Variants in CEP162 observed in about 807,000 individuals in gnomAD.
CEP162 encodes the protein centrosomal protein of 162 kDa.
A neutral mutation model predicts 169.2 loss-of-function variants in CEP162; 141 were observed. The ratio of observed to expected loss-of-function variants is 0.83; its 90% CI spans 0.73 to 0.96. The LOEUF is 0.96. CEP162 is among the 40% of genes least tolerant of loss of function. CEP162 has a pLI of 0.00. For synonymous variants in CEP162, 540 were observed against 526.4 expected (o/e 1.03, Z -0.35); for missense variants, 1,600 against 1,587.2 (o/e 1.01, Z -0.14).
chr6:84,149,597 C>T lies in CEP162; in HGVS notation c.3736G>A (p.Val1246Ile). The T allele has an allele frequency of 6.2e-7, 1 of 1,603,492 alleles. No homozygotes were observed. The highest frequency in any genetic ancestry group is 8.5e-7 in the Non-Finnish European group (1 of 1,174,688). Residue 1246 changes from valine (V) to isoleucine (I), a missense_variant, in exon 24 of 27, where the codon GTA becomes ATA. By Grantham distance (29) the Val-to-Ile change is conservative (BLOSUM62 3). Transcript: ENST00000403245. Reference protein sequence around the residue: ...QNAVENSSSKVAELNRKIATQ... With the variant: ...QNAVENSSSKIAELNRKIATQ... ...GCTATTTTACGATTTAGTTCAGCTACTTTGGAAGAAGAATTTTCTACTGCA... is the reference window on the plus strand; with the variant it reads ...GCTATTTTACGATTTAGTTCAGCTATTTTGGAAGAAGAATTTTCTACTGCA...
chr6:84,174,954 CCTTT>C lies in CEP162; in HGVS notation c.1798-4_1798-1del, dbSNP rs769427111. The C allele has an allele frequency of 1.3e-6, 2 of 1,569,904 alleles. No homozygotes were observed. Among genetic ancestry groups the C allele is most frequent in the South Asian group, 2.3e-5 (2 of 87,200 alleles). ...TTCTCACCACAGTATCCTAAGGAAT[CCTTT>C]CAAGACAAAGCATTACTTCATTACA... is the stretch of plus-strand genomic sequence containing the variant. On this transcript the variant is annotated splice_acceptor_variant and splice_polypyrimidine_tract_variant and intron_variant, in intron 14 of 26. Transcript: ENST00000403245. LOFTEE classifies it high-confidence loss of function.
At chr6:84,193,551 A>T in intron 11 of CEP162, 58 bp downstream of exon 11, 1 of 1,022,456 alleles carries the variant, frequency 9.8e-7, no homozygotes. Flanking sequence ...GAATGATTAC[A>T]TAGAACAAAT....
chr6:84,133,785 A>T (rs2099512653), intron 25 of CEP162, among the ~76,000 whole-genome samples: 1 of 152,136 alleles, frequency 6.6e-6, no homozygotes, highest in Admixed American at 6.5e-5. Context: ...TGGCTAGGAA[A>T]GGGAATTCCC....
chr6:84,193,155 C>T (rs960439074), intron 11 of CEP162, among the ~76,000 whole-genome samples: 6 of 152,340 alleles, frequency 3.9e-5, no homozygotes, highest in African/African-American at 1.2e-4. Context: ...CATACTTCCA[C>T]TAAACTGTAT....
At chr6:84,224,309 C>CT (rs2099554876) in intron 2 of CEP162, among the ~76,000 whole-genome samples, 1 of 152,162 alleles carries the variant, frequency 6.6e-6, no homozygotes, top group Non-Finnish European at 1.5e-5. Flanking sequence ...ATATATAATA[C>CT]AATTTCTATG....
chr6:84,186,686 T>C, intron 11 of CEP162, 63 bp from the exon 12 acceptor site: 1 of 1,341,328 alleles, frequency 7.5e-7, no homozygotes, highest in Non-Finnish European at 1.0e-6. Flanking sequence ...ATATCAGTAA[T>C]AACCACGTGT....
chr6:84,196,730 T>C (rs2099542315), intron 9 of CEP162, among the ~76,000 whole-genome samples: 1 of 152,212 alleles, frequency 6.6e-6, no homozygotes, highest in Admixed American at 6.5e-5. Context: ...ATATACAATG[T>C]AAGTTGTGTA....
intron 21 of CEP162, among the ~76,000 whole-genome samples, chr6:84,155,984 T>C (rs1469859350): frequency 1.3e-5 from 2 of 152,142 alleles, no homozygotes; most frequent in African/African-American, 4.8e-5. Flanking sequence ...CAAATTGTAC[T>C]ACGAGGCTAT....
At position 84,188,119 on chromosome 6, in the gene CEP162, AAG is replaced by A. The variant is rs1491084772; in HGVS notation, c.1110-1498_1110-1497del. On this transcript the variant is annotated intron_variant, in intron 11 of 26. Coordinates refer to ENST00000403245, the MANE Select transcript of CEP162 (RefSeq NM_014895.4). ...ACTCCGTCTCAAAAAAAAAAAAAAA[AAG>A]AGTGTCATCTTCACATTTAAGTATT... Among the ~76,000 whole-genome samples the A allele has an allele frequency of 1.4e-3, 216 of 152,138 alleles. 3 individuals carry two copies. Among genetic ancestry groups the A allele is most frequent in the East Asian group, 9.5e-3 (49 of 5,172 alleles).
intron 13 of CEP162, among the ~76,000 whole-genome samples, chr6:84,177,978 T>C (rs752430423): frequency 1.3e-5 from 2 of 152,178 alleles, no homozygotes; most frequent in Non-Finnish European, 2.9e-5. Flanking sequence ...ATTAACAAAG[T>C]AAAGGCACTT....
Position 84,124,972 on chromosome 6 carries a change from T to C in CEP162, c.*98A>G. ...TTTGGTTGTTTGCTTTCTGGAAACA[T>C]ATTGGAACACTTGTTTTTCATAAGC... is the stretch of plus-strand genomic sequence containing the variant. On this transcript the variant is annotated 3_prime_UTR_variant, in exon 27 of 27. Transcript: ENST00000403245. 1 of 906,948 alleles carries C rather than the reference T, an allele frequency of 1.1e-6. No homozygotes were observed. Among genetic ancestry groups the C allele is most frequent in the Non-Finnish European group, 1.7e-6 (1 of 589,014 alleles). 56.2% of individuals were successfully genotyped at this position (906,948 alleles called of 1,614,324 possible). A position where few individuals can be genotyped will look rare whatever the true frequency, so the allele number is the denominator to read the frequency against.
At chr6:84,181,787 A>T (rs2099534947) in intron 13 of CEP162, among the ~76,000 whole-genome samples, 1 of 152,136 alleles carries the variant, frequency 6.6e-6, no homozygotes, top group South Asian at 2.1e-4. Flanking sequence ...GTAGGAGAGA[A>T]TATATTAAAT....
Position 84,186,359 on chromosome 6 carries a change from T to C in CEP162, c.1374A>G (p.Ser458=). 1 of 1,441,238 alleles carries C rather than the reference T, an allele frequency of 6.9e-7. No homozygotes were observed. The highest frequency in any genetic ancestry group is 1.2e-5 in the South Asian group (1 of 86,212). The allele number at this position is 1,441,238 out of a possible 1,614,324, so 89.3% of individuals were successfully genotyped here. A position where few individuals can be genotyped will look rare whatever the true frequency, so the allele number is the denominator to read the frequency against. ...TATTAATTTTGTCATCCTGAGATAA[T>C]GATGAAGAATTAACAGTTATTTTTT... ...LRKKITVNSS[S]LSQDDKINKT... is the part of the protein sequence containing the mutation. The change falls in exon 12 of 27, where the codon TCA becomes TCG. Residue 458 remains serine (S), a synonymous_variant. Coordinates refer to ENST00000403245, the MANE Select transcript of CEP162 (RefSeq NM_014895.4).
Position 84,221,184 on chromosome 6 carries a change from T to C in CEP162, c.58-13A>G, listed in dbSNP as rs1401249406. 1.6e-6 allele frequency: 2 copies of C among 1,223,346 alleles called. No homozygotes were observed. Among genetic ancestry groups the C allele is most frequent in the African/African-American group, 3.0e-5 (2 of 67,006 alleles). The allele number at this position is 1,223,346 out of a possible 1,614,324, so 75.8% of individuals were successfully genotyped here. A position where few individuals can be genotyped will look rare whatever the true frequency, so the allele number is the denominator to read the frequency against. On this transcript the variant is annotated splice_polypyrimidine_tract_variant and intron_variant, in intron 2 of 26. Coordinates refer to ENST00000403245, the MANE Select transcript of CEP162 (RefSeq NM_014895.4). ...AATCATCTGAAAGCTGAATTAGATA[T>C]AAGACATTCAATTTGAAAATACAGT...
rs2129200300 is a variant in CEP162 at position 84,149,641 on chromosome 6, T to C, written c.3692A>G (p.Glu1231Gly). The C allele has an allele frequency of 6.2e-7, 1 of 1,602,958 alleles. No homozygotes were observed. The highest frequency in any genetic ancestry group is 2.2e-5 in the East Asian group (1 of 44,482). ...TACTGCATTTTGGCAAAGGAGTTTC[T>C]CTATTTCTCTCTGATGAGATGCTTT... ...SLKASHQREIEKLLCQNAVEN... is the reference protein window; with the variant it reads ...SLKASHQREIGKLLCQNAVEN... Residue 1231 changes from glutamate (E) to glycine (G), a missense_variant, in exon 24 of 27, where the codon GAG (glutamate) becomes GGG (glycine). Coordinates refer to ENST00000403245, the MANE Select transcript of CEP162 (RefSeq NM_014895.4).
At chr6:84,193,864 A>C (rs140171611) in intron 10 of CEP162, among the ~76,000 whole-genome samples, 174 bp from the exon 11 acceptor site, 145 of 152,322 alleles carry the variant, frequency 9.5e-4, no homozygotes, top group Admixed American at 3.7e-3. Flanking sequence ...CTTTCTTATG[A>C]AATATCAAAT....
chr6:84,154,311 G>GGT (rs1339339553), intron 22 of CEP162, among the ~76,000 whole-genome samples: 2 of 145,976 alleles, frequency 1.4e-5, no homozygotes, highest in African/African-American at 5.6e-5. Flanking sequence ...TGTTATCAGG[G>GGT]ATATCTATCT....
intron 25 of CEP162, among the ~76,000 whole-genome samples, chr6:84,129,783 A>G (rs957410890): frequency 6.6e-6 from 1 of 152,160 alleles, no homozygotes; most frequent in Non-Finnish European, 1.5e-5. Context: ...TTTTCTAAAT[A>G]TACAATTGTG....
intron 25 of CEP162, among the ~76,000 whole-genome samples, chr6:84,144,170 C>T (rs562173098): frequency 1.2e-4 from 19 of 152,072 alleles, no homozygotes; most frequent in African/African-American, 4.6e-4. Flanking sequence ...TGTTCTTTCT[C>T]CTTTTACAAA....
Sources: gnomAD v4.1 joint callset for allele counts (sites outside exome capture counted in the v4.1 genomes callset) on GRCh38, gnomAD v4.1.1 for gene constraint, MANE v1.5 for transcripts, NCBI Gene and HGNC (gene_info 2026-07-23, HGNC 2026-07-21) for gene names.